The following SIGIRR variants were observed in gnomAD, a reference collection of about 807,000 sequenced individuals.
SIGIRR encodes single Ig and TIR domain containing.
SIGIRR carries 41 observed loss-of-function variants against 45.6 expected under a neutral mutation model. The observed-to-expected ratio is 0.90, with a 90% CI of 0.70 to 1.17. The LOEUF (loss-of-function observed/expected upper bound fraction) is 1.17. Among genes scored for constraint, SIGIRR ranks in the 50% most tolerant of loss-of-function variants. The probability of loss-of-function intolerance (pLI) is 0.00; values close to 1 mark genes in which losing one functional copy is unlikely to be tolerated. For missense variants in SIGIRR, 599 were observed against 539.6 expected (o/e 1.11, Z -1.09); for synonymous variants, 298 against 239.0 (o/e 1.25, Z -2.28).
rs369435072 is a variant in SIGIRR, at chr11:409,885, C to T, written c.-11G>A. 406 of 1,322,718 alleles carry T rather than the reference C, an allele frequency of 3.1e-4. No homozygotes were observed. The highest frequency in any genetic ancestry group is 3.6e-4 in the Non-Finnish European group (374 of 1,029,316). 81.9% of individuals were successfully genotyped at this position (1,322,718 alleles called of 1,614,324 possible). A position where few individuals can be genotyped will look rare whatever the true frequency, so the allele number is the denominator to read the frequency against. ...CTGCCTACCTGGCATGGCTCTGAGC[C>T]GGGGCCTCCTCGGGGCAGGCTGGGC... On this transcript the variant is annotated 5_prime_UTR_variant, in exon 2 of 10. Coordinates refer to ENST00000431843, the MANE Select transcript of SIGIRR (RefSeq NM_001135054.2).
chr11:409,806 C>T, intron 2 of SIGIRR, 62 bp downstream of exon 2: 1 of 1,370,138 alleles, frequency 7.3e-7, no homozygotes, highest in Non-Finnish European at 9.5e-7. Flanking sequence ...AATGTGGAGC[C>T]AGCCTGAGGG....
At position 409,963 on chromosome 11, in the gene SIGIRR, G is replaced by C; in HGVS notation, c.-89C>G. The C allele has an allele frequency of 8.0e-7, 1 of 1,255,964 alleles. No homozygotes were observed. The highest frequency in any genetic ancestry group is 1.0e-6 in the Non-Finnish European group (1 of 997,090). The allele number at this position is 1,255,964 out of a possible 1,614,324, so 77.8% of individuals were successfully genotyped here. Reference sequence around the variant, plus strand: ...CTCCTCGGCCAGCAGACTGATCCAAGAGCTGGGCAGGACTCCTCTCTGTCC... The same window carrying C: ...CTCCTCGGCCAGCAGACTGATCCAACAGCTGGGCAGGACTCCTCTCTGTCC... On this transcript the variant is annotated 5_prime_UTR_variant, in exon 2 of 10. Coordinates refer to ENST00000431843, the MANE Select transcript of SIGIRR (RefSeq NM_001135054.2).
Position 407,449 on chromosome 11 carries a change from C to T in SIGIRR, c.601G>A (p.Asp201Asn), listed in dbSNP as rs369179848. 6.4e-7 allele frequency: 1 copy of T among 1,555,544 alleles called. No individual in the cohort carries two copies. The highest frequency in any genetic ancestry group is 1.4e-5 in the African/African-American group (1 of 73,094). Residue 201 changes from aspartate to asparagine, a missense_variant, in exon 6 of 10, where the codon GAC (aspartate) becomes AAC (asparagine). Physicochemically the swap from Asp to Asn is conservative, Grantham distance 23. Coordinates refer to ENST00000431843, the MANE Select transcript of SIGIRR (RefSeq NM_001135054.2). ...RRRGYKLFLD[D>N]RDLLPRAEPS... is the part of the protein sequence containing the mutation. ...CCAGCGCGCGGCAGGAGGTCGCGGT[C>T]GTCCAGGAAGAGCTTGTAGCCCCGA...
Position 407,118 on chromosome 11 carries a change from G to A in SIGIRR, c.672C>T (p.Leu224=), listed in dbSNP as rs1384688637. 6.5e-6 allele frequency: 10 copies of A among 1,534,354 alleles called. No individual in the cohort carries two copies. The highest frequency in any genetic ancestry group is 4.3e-5 in the African/African-American group (3 of 70,296). The change falls in exon 7 of 10, where the codon CTC becomes CTT. Residue 224 remains leucine (L), a synonymous_variant. Transcript: ENST00000431843. The part of the protein sequence containing the change: ...LLVNLSRCRR[L]IVVLSDAFLS... ...GGAAGGCGTCCGAAAGCACCACGAT[G>A]AGGCGTCGGCAGCGGCTCAGGTTCA...
rs1020042717 is a variant in SIGIRR at position 409,872 on chromosome 11, CATGGCT to C, written c.-4_2del. 7.5e-7 allele frequency: 1 copy of C among 1,331,246 alleles called. No homozygotes were observed. Among genetic ancestry groups the C allele is most frequent in the African/African-American group, 1.5e-5 (1 of 65,708 alleles). 82.5% of individuals were successfully genotyped at this position (1,331,246 alleles called of 1,614,324 possible). A position where few individuals can be genotyped will look rare whatever the true frequency, so the allele number is the denominator to read the frequency against. On this transcript the variant is annotated start_lost and 5_prime_UTR_variant, in exon 2 of 10. Coordinates refer to ENST00000431843, the MANE Select transcript of SIGIRR (RefSeq NM_001135054.2). ...ATCCCTCTCTGACCTGCCTACCTGG[CATGGCT>C]CTGAGCCGGGGCCTCCTCGGGGCAG...
At chr11:407,319 G>T in intron 6 of SIGIRR, 106 bp downstream of exon 6, 2 of 905,644 alleles carry the variant, frequency 2.2e-6, no homozygotes. Flanking sequence ...GGCGGGGATG[G>T]GGGCGGAGCT....
chr11:407,973 C>T lies in SIGIRR; in HGVS notation c.341-16G>A, dbSNP rs376128512. Reference sequence around the variant, plus strand: ...CTTGTAGGGCCTGCGGATGGGTTGCCTGAGCCGCTGCCCCTCCAGCAGCCC... The same window carrying T: ...CTTGTAGGGCCTGCGGATGGGTTGCTTGAGCCGCTGCCCCTCCAGCAGCCC... On this transcript the variant is annotated splice_polypyrimidine_tract_variant and intron_variant, in intron 4 of 9. Coordinates refer to ENST00000431843, the MANE Select transcript of SIGIRR (RefSeq NM_001135054.2). The T allele has an allele frequency of 2.6e-4, 416 of 1,601,798 alleles. No individual in the cohort carries two copies. Among genetic ancestry groups the T allele is most frequent in the Non-Finnish European group, 3.4e-4 (397 of 1,173,436 alleles).
At position 409,930 on chromosome 11, in the gene SIGIRR, C is replaced by G; in HGVS notation, c.-56G>C. 1 of 1,271,070 alleles carries G rather than the reference C, an allele frequency of 7.9e-7. No individual in the cohort carries two copies. Among genetic ancestry groups the G allele is most frequent in the Non-Finnish European group, 1.0e-6 (1 of 1,002,492 alleles). The allele number at this position is 1,271,070 out of a possible 1,614,324, so 78.7% of individuals were successfully genotyped here. On this transcript the variant is annotated 5_prime_UTR_variant, in exon 2 of 10. Coordinates refer to ENST00000431843, the MANE Select transcript of SIGIRR (RefSeq NM_001135054.2). ...CTGGGCTCCAGGGTCACCCCTGGCT[C>G]CACCGGGCTCCTCGGCCAGCAGACT...
intron 1 of SIGIRR, 115 bp from the exon 2 acceptor site, chr11:410,142 G>A (rs761746260): frequency 2.1e-5 from 20 of 960,724 alleles, no homozygotes; most frequent in Non-Finnish European, 2.7e-5. Flanking sequence ...CCGCATGGAT[G>A]CTGGCAGAGT....
intron 8 of SIGIRR, 125 bp from the exon 9 acceptor site, chr11:406,663 C>T: frequency 4.2e-6 from 6 of 1,418,256 alleles, no homozygotes; most frequent in Non-Finnish European, 5.6e-6. Flanking sequence ...TTCCGTGGCT[C>T]CGGGGGCCTC....
upstream of SIGIRR, among the ~76,000 whole-genome samples, chr11:415,320 T>TGCA (rs1847853267): frequency 6.6e-6 from 1 of 150,504 alleles, no homozygotes; most frequent in African/African-American, 2.5e-5. The surrounding 1 kb of genome is among the most constrained non-coding windows in gnomAD (Gnocchi z 6.6). Context: ...TGTGCGTGTG[T>TGCA]GTTGTGGGGT....
Position 406,440 on chromosome 11 carries a change from G to C in SIGIRR, c.978C>G (p.Asp326Glu). Reference sequence around the variant, plus strand: ...GAAGAATCAGCATGGGGTCCTTGTCGTCCTGCAGCTGCGTCTGGGGGTCTC... The same window carrying C: ...GAAGAATCAGCATGGGGTCCTTGTCCTCCTGCAGCTGCGTCTGGGGGTCTC... ...VEGDPQTQLQ[D>E]DKDPMLILRG... Residue 326 changes from aspartate (D) to glutamate (E), a missense_variant, in exon 9 of 10, where the codon GAC (aspartate) becomes GAG (glutamate). By Grantham distance (45) the Asp-to-Glu change is conservative. Coordinates refer to ENST00000431843, the MANE Select transcript of SIGIRR (RefSeq NM_001135054.2). 6.2e-7 allele frequency: 1 copy of C among 1,612,744 alleles called. No homozygotes were observed. The highest frequency in any genetic ancestry group is 1.1e-5 in the South Asian group (1 of 91,090).
Position 407,887 on chromosome 11 carries a change from C to T in SIGIRR, c.411G>A (p.Leu137=), listed in dbSNP as rs537219351. ...LVLLALLLAA[L]LYVKCRLNVL... ...CGTTGAGACGGCACTTGACATAGAG[C>T]AGGGCGGCCAGCAGCAGGGCCAGCA... The change falls in exon 5 of 10, where the codon CTG becomes CTA. Residue 137 remains leucine, a synonymous_variant. Coordinates refer to ENST00000431843, the MANE Select transcript of SIGIRR (RefSeq NM_001135054.2). The T allele has an allele frequency of 1.7e-5, 27 of 1,612,520 alleles. No homozygotes were observed. The South Asian group carries it at 2.5e-4, about 15-fold the overall frequency.
rs770987505 is a variant in SIGIRR at position 406,964 on chromosome 11, G to C, written c.758C>G (p.Thr253Ser). ...REGLCRLLEL[T>S]RRPIFITFEG... is the part of the protein sequence containing the mutation. ...GAAGGTGATGAAGATGGGTCTGCGG[G>C]TGAGCTCCAGCAGCCGGCACAGGCC... The change falls in exon 8 of 10, where the codon ACC becomes AGC. Residue 253 changes from threonine (T) to serine (S), a missense_variant. Coordinates refer to ENST00000431843, the MANE Select transcript of SIGIRR (RefSeq NM_001135054.2). The C allele has an allele frequency of 2.5e-6, 4 of 1,601,686 alleles. No homozygotes were observed. Among genetic ancestry groups the C allele is most frequent in the Non-Finnish European group, 3.4e-6 (4 of 1,177,588 alleles).
Position 412,817 on chromosome 11 carries a change from G to A in SIGIRR, c.-154+2006C>T, listed in dbSNP as rs191080062. ...TCGAAACACCTCGGGAAACACCTCG[G>A]GAACCCTCAGCTTAGCCTCGCCCTG... On this transcript the variant is annotated intron_variant, in intron 1 of 9. Transcript: ENST00000431843. Among the ~76,000 whole-genome samples, 861 of 152,230 alleles carry A rather than the reference G, an allele frequency of 5.7e-3. 5 individuals carry two copies. The highest frequency in any genetic ancestry group is 0.02 in the African/African-American group (824 of 41,510).
In SIGIRR at chr11:406,368, C is replaced by T. The variant is rs750225540; in HGVS notation, c.1050G>A (p.Pro350=). 4.3e-6 allele frequency: 7 copies of T among 1,612,410 alleles called. No individual in the cohort carries two copies. The highest frequency in any genetic ancestry group is 5.9e-6 in the Non-Finnish European group (7 of 1,179,816). The change falls in exon 9 of 10, where the codon CCG becomes CCA. Residue 350 remains proline, a synonymous_variant. Transcript: ENST00000431843. Reference sequence around the variant, plus strand: ...GCATACCCAGGTCGCCCTCAGGGTCCGGGTCCACCTCTGAGTCCAGGGCCC... The same window carrying T: ...GCATACCCAGGTCGCCCTCAGGGTCTGGGTCCACCTCTGAGTCCAGGGCCC... The part of the protein sequence containing the change: ...EGRALDSEVD[P]DPEGDLGVRG...
In SIGIRR at chr11:412,848, G is replaced by T. The variant is rs995798897; in HGVS notation, c.-154+1975C>A. Among the ~76,000 whole-genome samples, 5 of 152,274 alleles carry T rather than the reference G, an allele frequency of 3.3e-5. No homozygotes were observed. The South Asian group carries it at 8.3e-4, about 25-fold the overall frequency. On this transcript the variant is annotated intron_variant, in intron 1 of 9. Coordinates refer to ENST00000431843, the MANE Select transcript of SIGIRR (RefSeq NM_001135054.2). ...CTCAGCTTAGCCTCGCCCTGCGGTT[G>T]TGAGGCCGGAGGGTGAACAGCGCCC...
intron 2 of SIGIRR, 35 bp from the exon 3 acceptor site, chr11:408,928 A>G: frequency 1.9e-6 from 3 of 1,604,374 alleles, no homozygotes; most frequent in Middle Eastern, 1.7e-4. Flanking sequence ...CAGCTGTGCC[A>G]GGGTGCCTGG....
Position 407,113 on chromosome 11 carries a change from A to AG in SIGIRR, c.676_677insC (p.Val226AlafsTer115). On this transcript the variant is annotated frameshift_variant, in exon 7 of 10. Coordinates refer to ENST00000431843, the MANE Select transcript of SIGIRR (RefSeq NM_001135054.2). LOFTEE classifies it high-confidence loss of function. ...GCTCAGGAAGGCGTCCGAAAGCACC[A>AG]CGATGAGGCGTCGGCAGCGGCTCAG... 1 of 1,524,620 alleles carries AG rather than the reference A, an allele frequency of 6.6e-7. No individual in the cohort carries two copies. The highest frequency in any genetic ancestry group is 8.8e-7 in the Non-Finnish European group (1 of 1,140,390). 94.4% of individuals were successfully genotyped at this position (1,524,620 alleles called of 1,614,324 possible).
Sources: allele counts gnomAD v4.1 joint callset (sites outside exome capture counted in the v4.1 genomes callset), GRCh38; gene constraint gnomAD v4.1.1; non-coding constraint Gnocchi (gnomAD v3.1); transcripts MANE v1.5; gene names NCBI Gene and HGNC (gene_info 2026-07-23, HGNC 2026-07-21).